Variants in PRKD1 observed in about 807,000 individuals in gnomAD.
PRKD1 encodes the protein serine/threonine-protein kinase D1.
A neutral mutation model predicts 95.9 loss-of-function variants in PRKD1; 63 were observed. The ratio of observed to expected loss-of-function variants is 0.66; its 90% confidence interval spans 0.54 to 0.81. The LOEUF is 0.81. PRKD1 is among the 30% of genes least tolerant of loss of function. The pLI is 0.00. For synonymous variants in PRKD1, 425 were observed against 423.1 expected, an observed-to-expected ratio of 1.00 and a Z score of -0.05; for missense variants, 1,048 against 1,165.3, an observed-to-expected ratio of 0.90 and a Z score of 1.47.
chr14:29,774,152 A>G (rs763432242), intron 1 of PRKD1, among the ~76,000 whole-genome samples: 1 of 152,210 alleles, frequency 6.6e-6, no homozygotes, highest in South Asian at 2.1e-4. Flanking sequence ...TCTGCACTGA[A>G]AGTATAAATG....
chr14:29,786,805 A>C (rs1889294312), intron 1 of PRKD1, among the ~76,000 whole-genome samples: 1 of 151,172 alleles, frequency 6.6e-6, no homozygotes, highest in Non-Finnish European at 1.5e-5. Flanking sequence ...CTTTTTGTTG[A>C]TTCTTGTTTT....
At position 29,786,641 on chromosome 14, in the gene PRKD1, T is replaced by C. The variant is rs185878533; in HGVS notation, c.265-60967A>G. ...TTTATTAGCACGTAGTGGTTCATAA[T>C]AGTCTCCAATGATCCTTTGTATTTC... is the stretch of plus-strand genomic sequence containing the variant. On this transcript the variant is annotated intron_variant, in intron 1 of 17. Transcript: ENST00000331968. 1.2e-3 allele frequency among the ~76,000 whole-genome samples: 179 copies of C among 152,284 alleles called. 1 individual carries two copies. The highest frequency in any genetic ancestry group is 1.4e-3 in the Non-Finnish European group (98 of 68,002).
chr14:29,637,725 A>G (rs1880477187), intron 6 of PRKD1, among the ~76,000 whole-genome samples: 1 of 152,192 alleles, frequency 6.6e-6, no homozygotes, highest in African/African-American at 2.4e-5. Flanking sequence ...TTTTAGGTAC[A>G]GTATATATTT....
At chr14:29,906,185 A>G (rs1894488540) in intron 1 of PRKD1, among the ~76,000 whole-genome samples, 1 of 152,168 alleles carries the variant, frequency 6.6e-6, no homozygotes, top group Non-Finnish European at 1.5e-5. Context: ...TATAATAAGT[A>G]TTGAAAGTAT....
intron 1 of PRKD1, among the ~76,000 whole-genome samples, chr14:29,776,680 A>AAAGTGATGGGGAGAATGG (rs1888772997): frequency 6.6e-6 from 1 of 152,228 alleles, no homozygotes; most frequent in African/African-American, 2.4e-5. Flanking sequence ...GCTGTACCTG[A>AAAGTGATGGGGAGAATGG]AAGTGATGGG....
chr14:29,923,227 C>CAA (rs33966435), intron 1 of PRKD1, among the ~76,000 whole-genome samples: 12 of 88,694 alleles, frequency 1.4e-4, no homozygotes, highest in South Asian at 4.1e-4. Flanking sequence ...GAGATTCTGT[C>CAA]AAAAAAAAAA....
intron 2 of PRKD1, among the ~76,000 whole-genome samples, chr14:29,695,560 G>C (rs1331074229): frequency 1.3e-5 from 2 of 152,242 alleles, no homozygotes; most frequent in African/African-American, 4.8e-5. Context: ...GCAACAGAAA[G>C]CATGAATGGG....
intron 1 of PRKD1, among the ~76,000 whole-genome samples, chr14:29,879,582 T>G (rs1284726171): frequency 6.6e-6 from 1 of 151,874 alleles, no homozygotes. Context: ...GTACTGGGAG[T>G]GGGGTGTTGC....
chr14:29,650,074 A>G (rs1881392311), intron 4 of PRKD1, among the ~76,000 whole-genome samples: 1 of 151,292 alleles, frequency 6.6e-6, no homozygotes, highest in Non-Finnish European at 1.5e-5. Context: ...CCAGTTTCCT[A>G]GTTGGGGTGG....
intron 1 of PRKD1, among the ~76,000 whole-genome samples, chr14:29,870,937 G>A (rs945539560): frequency 6.6e-6 from 1 of 152,190 alleles, no homozygotes; most frequent in African/African-American, 2.4e-5. Context: ...GCTATTAGAA[G>A]TAGTATAATT....
intron 1 of PRKD1, among the ~76,000 whole-genome samples, chr14:29,826,957 T>A (rs1322531819): frequency 6.9e-6 from 1 of 145,896 alleles, no homozygotes; most frequent in African/African-American, 2.5e-5. Flanking sequence ...ACTATTATCC[T>A]AAGTGAAGTA....
At chr14:29,624,358 T>C in intron 12 of PRKD1, 100 bp from the exon 13 acceptor site, 1 of 675,836 alleles carries the variant, frequency 1.5e-6, no homozygotes, top group Non-Finnish European at 2.4e-6. Flanking sequence ...GATAAACATA[T>C]TTCACTGAAT....
At chr14:29,646,570 T>C (rs958149229) in intron 4 of PRKD1, among the ~76,000 whole-genome samples, 1 of 151,588 alleles carries the variant, frequency 6.6e-6, no homozygotes, top group Non-Finnish European at 1.5e-5. Context: ...GATAGATAGA[T>C]AAATTTTTTT....
At chr14:29,598,271 CTAAAA>C (rs199974379) in intron 15 of PRKD1, among the ~76,000 whole-genome samples, 56,384 of 130,062 alleles carry the variant, frequency 0.43, 14,219 homozygotes, top group East Asian at 0.63. Flanking sequence ...AGTGCTCTGT[CTAAAA>C]TAAAATAAAA....
At chr14:29,683,515 T>C (rs1307059621) in intron 2 of PRKD1, among the ~76,000 whole-genome samples, 4 of 152,124 alleles carry the variant, frequency 2.6e-5, no homozygotes, top group Admixed American at 6.6e-5. Flanking sequence ...CTTAAAGACA[T>C]GTGTGTGAAA....
chr14:29,834,793 AT>A (rs2139302414), intron 1 of PRKD1, among the ~76,000 whole-genome samples: 2 of 152,282 alleles, frequency 1.3e-5, no homozygotes, highest in South Asian at 4.1e-4. Flanking sequence ...TAAAGTAAAA[AT>A]ACTATTATTC....
chr14:29,758,854 A>T (rs1429360661), intron 1 of PRKD1, among the ~76,000 whole-genome samples: 1 of 152,224 alleles, frequency 6.6e-6, no homozygotes, highest in Non-Finnish European at 1.5e-5. Flanking sequence ...GCCTCAGTCT[A>T]TCACACTTCA....
At chr14:29,855,341 C>A (rs1197283097) in intron 1 of PRKD1, among the ~76,000 whole-genome samples, 1 of 152,162 alleles carries the variant, frequency 6.6e-6, no homozygotes, top group East Asian at 1.9e-4. Flanking sequence ...GGATATGAGA[C>A]CTGGGGCCAA....
At chr14:29,639,954 T>C (rs1333527482) in intron 4 of PRKD1, among the ~76,000 whole-genome samples, 1 of 152,188 alleles carries the variant, frequency 6.6e-6, no homozygotes, top group African/African-American at 2.4e-5. Flanking sequence ...CACAGTACCT[T>C]TGATATCCTG....
Sources: gnomAD v4.1 joint callset for allele counts (sites outside exome capture counted in the v4.1 genomes callset) on GRCh38, gnomAD v4.1.1 for gene constraint, MANE v1.5 for transcripts, NCBI Gene and HGNC (gene_info 2026-07-23, HGNC 2026-07-21) for gene names.